The following CNTNAP1 variants were observed in gnomAD, a reference collection of about 807,000 sequenced individuals.
The protein encoded by CNTNAP1 is contactin-associated protein 1.
In CNTNAP1, 80 loss-of-function variants were observed where a neutral mutation model predicts 161.5. That is an observed-to-expected ratio of 0.50 (90% confidence interval 0.41 to 0.60). The LOEUF (loss-of-function observed/expected upper bound fraction) is 0.60. CNTNAP1 is among the 20% of genes least tolerant of loss of function. The probability of loss-of-function intolerance (pLI) is 0.00; values close to 1 mark genes in which losing one functional copy is unlikely to be tolerated. For synonymous variants in CNTNAP1, 695 were observed against 733.1 expected (o/e 0.95, Z 0.84); for missense variants, 1,464 against 1,854.8 (o/e 0.79, Z 3.87).
intron 19 of CNTNAP1, 44 bp from the exon 20 acceptor site, chr17:42,695,981 G>C: frequency 6.2e-7 from 1 of 1,609,472 alleles, no homozygotes; most frequent in Non-Finnish European, 8.5e-7. Flanking sequence ...GAAGATAGGA[G>C]TCATGGGGCC....
chr17:42,683,983 C>T, intron 2 of CNTNAP1, 53 bp from the exon 3 acceptor site: 4 of 1,613,132 alleles, frequency 2.5e-6, no homozygotes, highest in South Asian at 1.1e-5. Flanking sequence ...TGGGGGCCTC[C>T]GGAGGACTTC....
At position 42,695,654 on chromosome 17, in the gene CNTNAP1, C is replaced by G; in HGVS notation, c.3126C>G (p.Gly1042=). The G allele has an allele frequency of 6.2e-7, 1 of 1,614,150 alleles. No homozygotes were observed. Among genetic ancestry groups the G allele is most frequent in the Non-Finnish European group, 8.5e-7 (1 of 1,180,020 alleles). The change falls in exon 19 of 24, where the codon GGC becomes GGG. Residue 1042 remains glycine (G), a synonymous_variant. Transcript: ENST00000264638. The part of the protein sequence containing the change: ...VPGYEPGYIP[G]YDTPGYVPGY... ...GCTATGAGCCTGGCTACATCCCGGGCTATGATACTCCGGGCTATGTGCCTG... is the reference window on the plus strand; with the variant it reads ...GCTATGAGCCTGGCTACATCCCGGGGTATGATACTCCGGGCTATGTGCCTG...
At chr17:42,689,980 A>G in intron 11 of CNTNAP1, 108 bp from the exon 12 acceptor site, 1 of 1,268,324 alleles carries the variant, frequency 7.9e-7, no homozygotes, top group East Asian at 2.4e-5. Context: ...ACCTCGGGTG[A>G]TGCACCACCC....
chr17:42,688,714 C>T, intron 9 of CNTNAP1, 103 bp downstream of exon 9: 1 of 1,552,104 alleles, frequency 6.4e-7, no homozygotes, highest in African/African-American at 1.4e-5. Flanking sequence ...GGGATCAAGC[C>T]CTCTTCCCCT....
intron 22 of CNTNAP1, 44 bp from the exon 23 acceptor site, chr17:42,697,858 TA>T: frequency 6.2e-7 from 1 of 1,614,148 alleles, no homozygotes; most frequent in Non-Finnish European, 8.5e-7. Flanking sequence ...GAATGATTCT[TA>T]ACATGGAGGA....
intron 3 of CNTNAP1, 29 bp downstream of exon 3, chr17:42,684,258 TG>T: frequency 1.3e-6 from 2 of 1,593,092 alleles, no homozygotes; most frequent in Non-Finnish European, 8.6e-7. Flanking sequence ...CGGTAACACT[TG>T]GGGAGCTTCC....
rs562643035 is a variant in CNTNAP1 at position 42,685,951 on chromosome 17, C to T, written c.716-6C>T. 9 of 1,613,884 alleles carry T rather than the reference C, an allele frequency of 5.6e-6. No individual in the cohort carries two copies. In the East Asian group the frequency reaches 1.3e-4, roughly 24 times the overall value. On this transcript the variant is annotated splice_polypyrimidine_tract_variant and splice_region_variant and intron_variant, in intron 5 of 23. Coordinates refer to ENST00000264638, the MANE Select transcript of CNTNAP1 (RefSeq NM_003632.3). The surrounding 1 kb of genome is among the most constrained non-coding windows in gnomAD (Gnocchi z 5.0). Reference sequence around the variant, plus strand: ...GAGGTTTCACTCTGTCCTGCCCCACCCTCAGGCAGCAGCCCTATCCAGCCA... The same window carrying T: ...GAGGTTTCACTCTGTCCTGCCCCACTCTCAGGCAGCAGCCCTATCCAGCCA...
chr17:42,690,933 A>C lies in CNTNAP1; in HGVS notation c.2050A>C (p.Asn684His). The change falls in exon 13 of 24, where the codon AAC (asparagine) becomes CAC (histidine). Residue 684 changes from asparagine (N) to histidine (H), a missense_variant. Physicochemically the swap from Asn to His is moderately conservative, Grantham distance 68 (BLOSUM62 1). This residue lies in a region of CNTNAP1 where 1,383 missense variants were observed against 1,765.0 expected (regional missense o/e 0.78). Transcript: ENST00000264638. ...EFSCYNSRLL[N>H]TAGGYPYSFW... ...CTCCTGCTACAATTCCCGGCTGCTC[A>C]ACACTGCAGGTTAGGGCTGGGGTCA... 1 of 1,614,182 alleles carries C rather than the reference A, an allele frequency of 6.2e-7. No homozygotes were observed. Among genetic ancestry groups the C allele is most frequent in the Non-Finnish European group, 8.5e-7 (1 of 1,180,038 alleles).
intron 20 of CNTNAP1, 108 bp downstream of exon 20, chr17:42,696,260 A>G: frequency 7.1e-7 from 1 of 1,417,502 alleles, no homozygotes; most frequent in South Asian, 1.3e-5. Context: ...ATTTGAATGT[A>G]TAGAGGATTT....
chr17:42,697,885 G>T lies in CNTNAP1; in HGVS notation c.3815-18G>T. 6.2e-7 allele frequency: 1 copy of T among 1,614,002 alleles called. No homozygotes were observed. Among genetic ancestry groups the T allele is most frequent in the Non-Finnish European group, 8.5e-7 (1 of 1,179,942 alleles). On this transcript the variant is annotated intron_variant, in intron 22 of 23. Transcript: ENST00000264638. ...ACATGGAGGAGGCATCTCCTAACTG[G>T]TGCTTTCTCCTCTCCAGACTTCCCC...
chr17:42,683,730 G>A lies in CNTNAP1; in HGVS notation c.68-91G>A, dbSNP rs2052967892. On this transcript the variant is annotated intron_variant, in intron 1 of 23. Coordinates refer to ENST00000264638, the MANE Select transcript of CNTNAP1 (RefSeq NM_003632.3). ...CTCTGGGGGCGGGGGTTGGGGGCACGGAAGGGGAAGCTTCGGTCGCTAAGT... is the reference window on the plus strand; with the variant it reads ...CTCTGGGGGCGGGGGTTGGGGGCACAGAAGGGGAAGCTTCGGTCGCTAAGT... 2.7e-6 allele frequency: 4 copies of A among 1,492,828 alleles called. No homozygotes were observed. In the Middle Eastern group the frequency reaches 5.7e-4, roughly 212 times the overall value. 92.5% of individuals were successfully genotyped at this position (1,492,828 alleles called of 1,614,324 possible).
chr17:42,687,915 C>A lies in CNTNAP1; in HGVS notation c.1240C>A (p.Leu414Ile), dbSNP rs762411932. 8 of 1,614,250 alleles carry A rather than the reference C, an allele frequency of 5.0e-6. No individual in the cohort carries two copies. The highest frequency in any genetic ancestry group is 6.8e-6 in the Non-Finnish European group (8 of 1,180,054). The change falls in exon 8 of 24, where the codon CTC (leucine) becomes ATC (isoleucine). Residue 414 changes from leucine to isoleucine, a missense_variant. Transcript: ENST00000264638. This position sits in a 1 kb window ranked among gnomAD's most constrained non-coding sequence, Gnocchi z 4.7. Reference protein sequence around the residue: ...GDGLGHVELTLSEGQVNVSIA... With the variant: ...GDGLGHVELTISEGQVNVSIA... ...CGGGCTGGGCCACGTGGAGCTGACG[C>A]TCAGCGAAGGGCAGGTCAACGTGTC...
At chr17:42,690,232 G>C in intron 12 of CNTNAP1, 25 bp downstream of exon 12, 2 of 1,612,876 alleles carry the variant, frequency 1.2e-6, no homozygotes, top group South Asian at 2.2e-5. Flanking sequence ...TGGGTGGTGA[G>C]GGGGTGAGGG....
rs2053085711 is a variant in CNTNAP1 at position 42,691,495 on chromosome 17, G to A, written c.2328G>A (p.Leu776=). The stretch of plus-strand genomic sequence containing the variant: ...AGGCCCAGTTCTTCCTGAGGCCTCT[G>A]CGCTGCTATGGCGATCGTGAGTGGC... ...TSEAQFFLRP[L]RCYGDRNSWN... The change falls in exon 15 of 24, where the codon CTG becomes CTA. Residue 776 remains leucine (L), a synonymous_variant. Coordinates refer to ENST00000264638, the MANE Select transcript of CNTNAP1 (RefSeq NM_003632.3). This position sits in a 1 kb window ranked among gnomAD's most constrained non-coding sequence, Gnocchi z 4.3. 3.1e-6 allele frequency: 5 copies of A among 1,613,962 alleles called. No individual in the cohort carries two copies. The African/African-American group carries it at 6.7e-5, about 22-fold the overall frequency.
chr17:42,698,093 G>A (rs1356189182), intron 23 of CNTNAP1, 143 bp downstream of exon 23: 6 of 934,140 alleles, frequency 6.4e-6, no homozygotes, highest in African/African-American at 1.6e-5. Flanking sequence ...GACAGGCTAT[G>A]CTGAAGGTGC....
At position 42,693,539 on chromosome 17, in the gene CNTNAP1, A is replaced by G; in HGVS notation, c.2992+3A>G. 1 of 1,612,154 alleles carries G rather than the reference A, an allele frequency of 6.2e-7. No homozygotes were observed. Among genetic ancestry groups the G allele is most frequent in the Non-Finnish European group, 8.5e-7 (1 of 1,178,272 alleles). On this transcript the variant is annotated splice_donor_region_variant and intron_variant, in intron 18 of 23. Coordinates refer to ENST00000264638, the MANE Select transcript of CNTNAP1 (RefSeq NM_003632.3). ...TGATGGGCCATACTGCAACCACGGT[A>G]AGTGCTGCTGGTTATGGGGCAACAG...
Position 42,691,688 on chromosome 17 carries a change from C to T in CNTNAP1, c.2345-118C>T. On this transcript the variant is annotated intron_variant, in intron 15 of 23. Coordinates refer to ENST00000264638, the MANE Select transcript of CNTNAP1 (RefSeq NM_003632.3). This position sits in a 1 kb window ranked among gnomAD's most constrained non-coding sequence, Gnocchi z 4.3. ...TCTTTCATTCCACTCCTTAGTCTCC[C>T]CTCCGTCACCTCAAACCCTCCCCCT... is the stretch of plus-strand genomic sequence containing the variant. 7.5e-7 allele frequency: 1 copy of T among 1,336,644 alleles called. No individual in the cohort carries two copies. The highest frequency in any genetic ancestry group is 1.4e-5 in the African/African-American group (1 of 69,178). 82.8% of individuals were successfully genotyped at this position (1,336,644 alleles called of 1,614,324 possible).
rs1193395957 is a variant in CNTNAP1 at position 42,691,655 on chromosome 17, C to G, written c.2344+144C>G. On this transcript the variant is annotated intron_variant, in intron 15 of 23. Transcript: ENST00000264638. The surrounding 1 kb of genome is among the most constrained non-coding windows in gnomAD (Gnocchi z 4.3). The stretch of plus-strand genomic sequence containing the variant: ...ATGCGATCTCATTACCCCTCTGCAC[C>G]TGGCTCCTCTTTCATTCCACTCCTT... 10 of 1,376,332 alleles carry G rather than the reference C, an allele frequency of 7.3e-6. No homozygotes were observed. The highest frequency in any genetic ancestry group is 9.1e-6 in the Non-Finnish European group (9 of 991,722). The allele number at this position is 1,376,332 out of a possible 1,614,324, so 85.3% of individuals were successfully genotyped here.
At position 42,686,096 on chromosome 17, in the gene CNTNAP1, C is replaced by A. The variant is rs765634738; in HGVS notation, c.855C>A (p.Arg285=). ...VNFTLDGYVQ[R]FILNGDFERL... is the part of the protein sequence containing the mutation. The stretch of plus-strand genomic sequence containing the variant: ...TCACCCTGGACGGCTATGTGCAGCG[C>A]TTTATTCTCAATGGAGACTTCGAGA... Residue 285 remains arginine (R), a synonymous_variant, in exon 6 of 24, where the codon CGC becomes CGA. Coordinates refer to ENST00000264638, the MANE Select transcript of CNTNAP1 (RefSeq NM_003632.3). The A allele has an allele frequency of 6.2e-7, 1 of 1,614,240 alleles. No individual in the cohort carries two copies. The highest frequency in any genetic ancestry group is 8.5e-7 in the Non-Finnish European group (1 of 1,180,050).
Sources: gnomAD v4.1 joint callset for allele counts on GRCh38, gnomAD v4.1.1 for gene constraint, gnomAD v4.1.1 regional missense constraint, Gnocchi (gnomAD v3.1) non-coding constraint, MANE v1.5 for transcripts, NCBI Gene and HGNC (gene_info 2026-07-23, HGNC 2026-07-21) for gene names.